CDK10: variants seen among roughly 807,000 people sequenced by gnomAD.
CDK10 encodes cyclin-dependent kinase 10.
A neutral mutation model predicts 51.0 loss-of-function variants in CDK10; 55 were observed. The observed-to-expected ratio is 1.08, with a 90% confidence interval of 0.87 to 1.35. CDK10 has a LOEUF of 1.35. Ranked by LOEUF, CDK10 falls within the 40% of genes most tolerant of loss-of-function variation. The pLI is 0.00. For synonymous variants in CDK10, 255 were observed against 199.1 expected, an observed-to-expected ratio of 1.28 and a Z score of -2.36; for missense variants, 589 against 485.1, an observed-to-expected ratio of 1.21 and a Z score of -2.01.
Position 89,693,304 on chromosome 16 carries a change from C to G in CDK10, c.516C>G (p.Thr172=). ...TGAAGGTTTCCAACTTGCTCATGAC[C>G]GACAAGGGTTGTGTGAAGACAGGTG... ...RDLKVSNLLM[T]DKGCVKTADF... The change falls in exon 7 of 13, where the codon ACC becomes ACG. Residue 172 remains threonine, a synonymous_variant. Coordinates refer to ENST00000353379, the MANE Select transcript of CDK10 (RefSeq NM_052988.5). 1 of 1,614,130 alleles carries G rather than the reference C, an allele frequency of 6.2e-7. No individual in the cohort carries two copies. Among genetic ancestry groups the G allele is most frequent in the Non-Finnish European group, 8.5e-7 (1 of 1,180,012 alleles).
chr16:89,694,359 C>A, intron 9 of CDK10, 127 bp downstream of exon 9: 1 of 1,047,148 alleles, frequency 9.5e-7, no homozygotes, highest in South Asian at 1.4e-5. Context: ...CAGCCTCCCA[C>A]TCCCAGGGAG....
At chr16:89,693,651 T>A in intron 8 of CDK10, 184 bp downstream of exon 8, 1 of 624,910 alleles carries the variant, frequency 1.6e-6, no homozygotes, top group Non-Finnish European at 2.8e-6. Context: ...CACAAAATGG[T>A]GAGAGACGGG....
At chr16:89,689,182 C>T in intron 1 of CDK10, 70 bp from the exon 2 acceptor site, 1 of 1,424,542 alleles carries the variant, frequency 7.0e-7, no homozygotes, top group Non-Finnish European at 9.9e-7. Context: ...GGTACAAATT[C>T]CATTTGAAAT....
intron 9 of CDK10, 62 bp from the exon 10 acceptor site, chr16:89,694,601 CTG>C: frequency 1.3e-6 from 2 of 1,549,614 alleles, no homozygotes; most frequent in Non-Finnish European, 1.7e-6. Flanking sequence ...GTCAGGTCCT[CTG>C]TTCCTCGCGC....
intron 1 of CDK10, chr16:89,687,215 G>A (rs1032933106): frequency 4.1e-5 from 13 of 320,330 alleles, no homozygotes; most frequent in Non-Finnish European, 7.6e-5. Context: ...TGCATGGAGC[G>A]GGGTCCAGCG....
chr16:89,690,737 C>G (rs973973072), intron 3 of CDK10, 113 bp downstream of exon 3: 6 of 919,384 alleles, frequency 6.5e-6, no homozygotes, highest in Non-Finnish European at 1.1e-5. Flanking sequence ...GGGCCGGCCT[C>G]TGGGAGGGTT....
chr16:89,688,077 C>CT lies in CDK10; in HGVS notation c.88-1153dup, dbSNP rs35911494. Among the ~76,000 whole-genome samples the CT allele has an allele frequency of 7.1e-3, 532 of 75,390 alleles. 10 individuals carry two copies. The highest frequency in any genetic ancestry group is 7.7e-3 in the Non-Finnish European group (338 of 43,892). 49.5% of individuals were successfully genotyped at this position (75,390 alleles called of 152,430 possible). A position where few individuals can be genotyped will look rare whatever the true frequency, so the allele number is the denominator to read the frequency against. Reference sequence around the variant, plus strand: ...GAGGTTTCAAACCTTGCTACGTGTGCTTTTTTTTTTTTTTTTTTTTTTGAG... The same window carrying CT: ...GAGGTTTCAAACCTTGCTACGTGTGCTTTTTTTTTTTTTTTTTTTTTTTGAG... On this transcript the variant is annotated intron_variant, in intron 1 of 12. Coordinates refer to ENST00000353379, the MANE Select transcript of CDK10 (RefSeq NM_052988.5).
At chr16:89,690,517 C>T (rs376592418) in intron 2 of CDK10, 36 bp from the exon 3 acceptor site, 28 of 1,596,128 alleles carry the variant, frequency 1.8e-5, no homozygotes, top group African/African-American at 6.7e-5. Context: ...CGAGGGGCAT[C>T]GAGATGATGT....
chr16:89,687,360 C>G, intron 1 of CDK10: 1 of 424,202 alleles, frequency 2.4e-6, no homozygotes, highest in Non-Finnish European at 4.8e-6. Flanking sequence ...GGGTGGAGAG[C>G]CCTGAACTTT....
At position 89,689,304 on chromosome 16, in the gene CDK10, AG is replaced by A. The variant is rs1178185060; in HGVS notation, c.143del (p.Gly48ValfsTer20). The A allele has an allele frequency of 6.2e-7, 1 of 1,613,936 alleles. No homozygotes were observed. The highest frequency in any genetic ancestry group is 2.2e-5 in the East Asian group (1 of 44,882). The part of the protein sequence containing the change: ...KEFEKLNRIG[E>X]GTYGIVYRAR... ...TTTGAGAAGCTGAACCGCATTGGAG[AG>A]GGTACCTACGGCATTGTGTGTGAGT... On this transcript the variant is annotated frameshift_variant, in exon 2 of 13. Coordinates refer to ENST00000353379, the MANE Select transcript of CDK10 (RefSeq NM_052988.5). LOFTEE classifies it high-confidence loss of function.
In CDK10 at chr16:89,690,399, C is replaced by T. The variant is rs891282414; in HGVS notation, c.161-154C>T. 222 of 678,580 alleles carry T rather than the reference C, an allele frequency of 3.3e-4. 3 individuals carry two copies. The Admixed American group carries it at 4.6e-3, about 14-fold the overall frequency. 42.0% of individuals were successfully genotyped at this position (678,580 alleles called of 1,614,324 possible). ...GGGGGAACGCGTCTCGGGCTAGGGG[C>T]GTTGCACAGAGTGGGGACTGAGTGT... On this transcript the variant is annotated intron_variant, in intron 2 of 12. Coordinates refer to ENST00000353379, the MANE Select transcript of CDK10 (RefSeq NM_052988.5).
chr16:89,688,137 A>G (rs1478494927), intron 1 of CDK10, among the ~76,000 whole-genome samples: 1 of 134,430 alleles, frequency 7.4e-6, no homozygotes, highest in Non-Finnish European at 1.5e-5. Flanking sequence ...GCTGGAGTGC[A>G]GTGGCGCAGT....
At chr16:89,691,156 A>G (rs1055945176) in intron 3 of CDK10, among the ~76,000 whole-genome samples, 1 of 152,170 alleles carries the variant, frequency 6.6e-6, no homozygotes, top group Non-Finnish European at 1.5e-5. Context: ...GTGGTGGCAC[A>G]TGCCTGTAAT....
At position 89,694,919 on chromosome 16, in the gene CDK10, T is replaced by C; in HGVS notation, c.793-12T>C. 1 of 1,607,264 alleles carries C rather than the reference T, an allele frequency of 6.2e-7. No individual in the cohort carries two copies. The highest frequency in any genetic ancestry group is 8.5e-7 in the Non-Finnish European group (1 of 1,177,360). On this transcript the variant is annotated splice_polypyrimidine_tract_variant and intron_variant, in intron 10 of 12. Coordinates refer to ENST00000353379, the MANE Select transcript of CDK10 (RefSeq NM_052988.5). ...CCCACGCCCTCTGCGCCTCAGCTCCTGCCTCCCATAGGGCTTTTCCAAGCT... is the reference window on the plus strand; with the variant it reads ...CCCACGCCCTCTGCGCCTCAGCTCCCGCCTCCCATAGGGCTTTTCCAAGCT...
At position 89,686,801 on chromosome 16, in the gene CDK10, C is replaced by G. The variant is rs199880472; in HGVS notation, c.87+4C>G. The G allele has an allele frequency of 1.9e-5, 30 of 1,607,400 alleles. No individual in the cohort carries two copies. The highest frequency in any genetic ancestry group is 2.3e-5 in the Non-Finnish European group (27 of 1,176,588). On this transcript the variant is annotated splice_donor_region_variant and intron_variant, in intron 1 of 12. Coordinates refer to ENST00000353379, the MANE Select transcript of CDK10 (RefSeq NM_052988.5). ...CACGGTGCCTCCGGAACACAGGGTG[C>G]GCGGGGTGCCACCCGGGCAGCTCTG...
chr16:89,695,870 A>G lies in CDK10; in HGVS notation c.*178A>G, dbSNP rs1488907616. Reference sequence around the variant, plus strand: ...CCCTGAACCCACTGCTGCCCCCAGAAAAAGGCCGGGTGACACCGGGGGGCT... The same window carrying G: ...CCCTGAACCCACTGCTGCCCCCAGAGAAAGGCCGGGTGACACCGGGGGGCT... On this transcript the variant is annotated 3_prime_UTR_variant, in exon 13 of 13. Transcript: ENST00000353379. 1 of 1,437,764 alleles carries G rather than the reference A, an allele frequency of 7.0e-7. No individual in the cohort carries two copies. Among genetic ancestry groups the G allele is most frequent in the Non-Finnish European group, 9.5e-7 (1 of 1,058,004 alleles). The allele number at this position is 1,437,764 out of a possible 1,614,324, so 89.1% of individuals were successfully genotyped here.
At position 89,695,928 on chromosome 16, in the gene CDK10, G is replaced by T. The variant is rs1003916686; in HGVS notation, c.*236G>T. 2 of 810,924 alleles carry T rather than the reference G, an allele frequency of 2.5e-6. No individual in the cohort carries two copies. The highest frequency in any genetic ancestry group is 2.7e-5 in the East Asian group (1 of 37,302). 50.2% of individuals were successfully genotyped at this position (810,924 alleles called of 1,614,324 possible). A position where few individuals can be genotyped will look rare whatever the true frequency, so the allele number is the denominator to read the frequency against. On this transcript the variant is annotated 3_prime_UTR_variant, in exon 13 of 13. Transcript: ENST00000353379. ...CGTGCACCCTGGAAGGGCAGGTCTG[G>T]CGGCTCCATCCGTGGCTGCAGGGGT...
At chr16:89,690,203 A>G (rs994284972) in intron 2 of CDK10, 1 of 278,362 alleles carries the variant, frequency 3.6e-6, no homozygotes. Context: ...TTTTTTCTGC[A>G]TAGAGTACCT....
intron 11 of CDK10, 42 bp downstream of exon 11, chr16:89,695,112 C>T (rs1188075036): frequency 1.9e-6 from 3 of 1,594,642 alleles, no homozygotes; most frequent in Non-Finnish European, 2.6e-6. Flanking sequence ...TCACCACCCA[C>T]ACTGTCCAGA....
Sources: gnomAD v4.1 joint callset for allele counts (sites outside exome capture counted in the v4.1 genomes callset) on GRCh38, gnomAD v4.1.1 for gene constraint, MANE v1.5 for transcripts, NCBI Gene and HGNC (gene_info 2026-07-23, HGNC 2026-07-21) for gene names.